The following DLG1 variants were observed in gnomAD, a reference collection of about 807,000 sequenced individuals.
The protein encoded by DLG1 is disks large homolog 1.
DLG1 carries 42 observed loss-of-function variants against 123.4 expected under a neutral mutation model. The observed-to-expected ratio is 0.34, with a 90% CI of 0.27 to 0.44. The LOEUF (loss-of-function observed/expected upper bound fraction) is 0.44, where lower values mean the gene tolerates loss of function less well. Among genes scored for constraint, DLG1 ranks in the 20% least tolerant of loss-of-function variants. DLG1 has a pLI of 1.00. For synonymous variants in DLG1, 317 were observed against 356.2 expected (o/e 0.89, Z 1.24); for missense variants, 942 against 1,082.6 (o/e 0.87, Z 1.82).
chr3:197,253,029 C>A (rs996373535), intron 4 of DLG1, among the ~76,000 whole-genome samples: 1 of 151,936 alleles, frequency 6.6e-6, no homozygotes, highest in African/African-American at 2.4e-5. Flanking sequence ...TAGGGTTAGG[C>A]AAAGAGTTAT....
At chr3:197,220,039 A>G (rs1736143190) in intron 4 of DLG1, among the ~76,000 whole-genome samples, 1 of 152,242 alleles carries the variant, frequency 6.6e-6, no homozygotes, top group South Asian at 2.1e-4. Context: ...GTTTTATTCC[A>G]TCGTCTCCAC....
At chr3:197,134,710 G>A (rs1205753790) in intron 10 of DLG1, among the ~76,000 whole-genome samples, 1 of 152,186 alleles carries the variant, frequency 6.6e-6, no homozygotes, top group East Asian at 1.9e-4. Flanking sequence ...CATGGCTGAT[G>A]TGTTCCACAC....
intron 23 of DLG1, among the ~76,000 whole-genome samples, chr3:197,055,716 G>A (rs1485136042): frequency 6.6e-6 from 1 of 152,144 alleles, no homozygotes; most frequent in African/African-American, 2.4e-5. Flanking sequence ...TGTGGTGTGG[G>A]GGGAAGAGGG....
intron 4 of DLG1, among the ~76,000 whole-genome samples, chr3:197,231,464 G>A (rs1386701606): frequency 6.6e-6 from 1 of 152,138 alleles, no homozygotes; most frequent in Non-Finnish European, 1.5e-5. Context: ...CACTTTGGGA[G>A]GCCGAGCGGG....
chr3:197,273,098 G>A (rs1019892085), intron 4 of DLG1, among the ~76,000 whole-genome samples: 1 of 151,548 alleles, frequency 6.6e-6, no homozygotes, highest in African/African-American at 2.4e-5. Context: ...TATTATTTGT[G>A]TATCTTTATG....
intron 12 of DLG1, 69 bp from the exon 13 acceptor site, chr3:197,116,152 T>G: frequency 8.3e-7 from 1 of 1,203,446 alleles, no homozygotes; most frequent in South Asian, 1.5e-5. Context: ...CAGTGAGAAC[T>G]ACCTACTGAT....
intron 4 of DLG1, among the ~76,000 whole-genome samples, chr3:197,257,558 A>G (rs1270948592): frequency 6.6e-6 from 1 of 152,178 alleles, no homozygotes; most frequent in African/African-American, 2.4e-5. Context: ...AGAAACAGGT[A>G]TGGGTAAAAG....
At chr3:197,177,055 G>A (rs991508962) in intron 5 of DLG1, among the ~76,000 whole-genome samples, 2 of 151,864 alleles carry the variant, frequency 1.3e-5, no homozygotes, top group Non-Finnish European at 2.9e-5. Context: ...TTTTGAGTCA[G>A]TACATGTAGG....
At chr3:197,045,422 A>C (rs1722241920) in intron 24 of DLG1, among the ~76,000 whole-genome samples, 1 of 152,094 alleles carries the variant, frequency 6.6e-6, no homozygotes, top group African/African-American at 2.4e-5. Context: ...ACTAAGCATG[A>C]GTAACTAACT....
At chr3:197,190,307 T>C (rs1718569621) in intron 5 of DLG1, among the ~76,000 whole-genome samples, 1 of 152,048 alleles carries the variant, frequency 6.6e-6, no homozygotes, top group Non-Finnish European at 1.5e-5. Context: ...AAGCTTTGCA[T>C]TCACGGGGGA....
intron 4 of DLG1, among the ~76,000 whole-genome samples, chr3:197,201,950 A>T (rs1274754308): frequency 6.6e-6 from 1 of 151,902 alleles, no homozygotes; most frequent in East Asian, 1.9e-4. Flanking sequence ...TAATGTGTAC[A>T]CATGGAGGCA....
chr3:197,237,991 C>G (rs1409465503), intron 4 of DLG1, among the ~76,000 whole-genome samples: 1 of 152,166 alleles, frequency 6.6e-6, no homozygotes, highest in Non-Finnish European at 1.5e-5. Context: ...GTAACAAAAG[C>G]TTCTACCCCA....
chr3:197,068,934 C>T (rs1477630531), intron 19 of DLG1, among the ~76,000 whole-genome samples: 2 of 151,736 alleles, frequency 1.3e-5, no homozygotes, highest in African/African-American at 4.8e-5. Context: ...ACAAGTTTTC[C>T]CCCATTTAAC....
At chr3:197,188,652 C>G (rs751234718) in intron 5 of DLG1, among the ~76,000 whole-genome samples, 1 of 152,126 alleles carries the variant, frequency 6.6e-6, no homozygotes, top group Non-Finnish European at 1.5e-5. Context: ...CATATACTGA[C>G]TTCTACATGC....
chr3:197,248,000 G>C (rs189344435), intron 4 of DLG1, among the ~76,000 whole-genome samples: 52 of 152,162 alleles, frequency 3.4e-4, no homozygotes, highest in Non-Finnish European at 6.8e-4. Flanking sequence ...CTTTGACTTT[G>C]ACTCCTTTAT....
rs761158636 is a variant in DLG1 at position 197,297,190 on chromosome 3, C to T, written c.15G>A (p.Lys5=). 10 of 1,614,152 alleles carry T rather than the reference C, an allele frequency of 6.2e-6. No homozygotes were observed. The highest frequency in any genetic ancestry group is 8.5e-6 in the Non-Finnish European group (10 of 1,180,038). ...AGTTACGGAATAAACTCTCACCTTG[C>T]TTCCGGACCGGCATTTTTCTCCAGA... MPVR[K]QDTQRALHLL... Residue 5 remains lysine (K), a synonymous_variant, in exon 2 of 25, where the codon AAG becomes AAA. Coordinates refer to ENST00000667157, the MANE Select transcript of DLG1 (RefSeq NM_001366207.1).
intron 13 of DLG1, among the ~76,000 whole-genome samples, chr3:197,111,764 G>A (rs902300581): frequency 9.9e-5 from 15 of 152,162 alleles, no homozygotes; most frequent in African/African-American, 2.7e-4. Flanking sequence ...TGATTATCAT[G>A]TAACTGGAAT....
chr3:197,120,635 G>A (rs949358794), intron 11 of DLG1, among the ~76,000 whole-genome samples: 2 of 152,068 alleles, frequency 1.3e-5, no homozygotes, highest in African/African-American at 4.8e-5. Context: ...AGCATACTAC[G>A]CACTGGAGTA....
intron 11 of DLG1, among the ~76,000 whole-genome samples, chr3:197,124,730 T>C (rs765887520): frequency 6.6e-6 from 1 of 151,926 alleles, no homozygotes; most frequent in Non-Finnish European, 1.5e-5. Context: ...GCACGCACCA[T>C]TGTGCCTGGC....
Sources: gnomAD v4.1 joint callset for allele counts (sites outside exome capture counted in the v4.1 genomes callset) on GRCh38, gnomAD v4.1.1 for gene constraint, MANE v1.5 for transcripts, NCBI Gene and HGNC (gene_info 2026-07-23, HGNC 2026-07-21) for gene names.